BMPR2: variants seen among roughly 807,000 people sequenced by gnomAD.
BMPR2 encodes bone morphogenetic protein receptor type-2.
A neutral mutation model predicts 100.8 loss-of-function variants in BMPR2; 29 were observed. That is an observed-to-expected ratio of 0.29 (90% confidence interval 0.21 to 0.39). BMPR2 has a LOEUF of 0.39. Among genes scored for constraint, BMPR2 ranks in the 10% least tolerant of loss-of-function variants. The pLI is 1.00. For synonymous variants in BMPR2, 382 were observed against 442.3 expected, an observed-to-expected ratio of 0.86 and a Z score of 1.71; for missense variants, 1,011 against 1,274.5, an observed-to-expected ratio of 0.79 and a Z score of 3.15.
At chr2:202,452,858 T>C (rs995818175) in intron 1 of BMPR2, among the ~76,000 whole-genome samples, 1 of 152,186 alleles carries the variant, frequency 6.6e-6, no homozygotes, top group Non-Finnish European at 1.5e-5. Flanking sequence ...TATAGAATGT[T>C]ATGGAAGTAT....
At position 202,376,542 on chromosome 2, in the gene BMPR2, G is replaced by A. The variant is rs562633536; in HGVS notation, c.-933G>A. Among the ~76,000 whole-genome samples the A allele has an allele frequency of 2.0e-4, 28 of 141,526 alleles. 1 individual carries two copies. The highest frequency in any genetic ancestry group is 7.3e-4 in the African/African-American group (28 of 38,450). The allele number at this position is 141,526 out of a possible 152,430, so 92.8% of individuals were successfully genotyped here. A position where few individuals can be genotyped will look rare whatever the true frequency, so the allele number is the denominator to read the frequency against. On this transcript the variant is annotated 5_prime_UTR_variant, in exon 1 of 13. Coordinates refer to ENST00000374580, the MANE Select transcript of BMPR2 (RefSeq NM_001204.7). Reference sequence around the variant, plus strand: ...CGGCGGCGGCGGCGGCGGCGGCGGCGGCGGCAGCAGCAGCGGCTTCCTCGG... The same window carrying A: ...CGGCGGCGGCGGCGGCGGCGGCGGCAGCGGCAGCAGCAGCGGCTTCCTCGG...
Position 202,486,209 on chromosome 2 carries a change from T to G in BMPR2, c.418+18520T>G, listed in dbSNP as rs544083442. On this transcript the variant is annotated intron_variant, in intron 3 of 12. Coordinates refer to ENST00000374580, the MANE Select transcript of BMPR2 (RefSeq NM_001204.7). ...CATATATTGCCTTACTTCTCCATGC[T>G]AATGGAAGGCATAATGTCATACAGA... Among the ~76,000 whole-genome samples the G allele has an allele frequency of 2.0e-5, 3 of 152,292 alleles. No homozygotes were observed. In the South Asian group the frequency reaches 6.2e-4, roughly 32 times the overall value.
At chr2:202,486,206 T>C (rs1188223832) in intron 3 of BMPR2, among the ~76,000 whole-genome samples, 3 of 152,202 alleles carry the variant, frequency 2.0e-5, no homozygotes, top group Non-Finnish European at 2.9e-5. Context: ...TACTTCTCCA[T>C]GCTAATGGAA....
At chr2:202,402,738 C>G (rs1044642237) in intron 1 of BMPR2, among the ~76,000 whole-genome samples, 5 of 151,000 alleles carry the variant, frequency 3.3e-5, no homozygotes, top group Non-Finnish European at 5.9e-5. Context: ...ATGATCTTGG[C>G]TTGCTGCAAC....
At chr2:202,522,887 T>C (rs1184801306) in intron 7 of BMPR2, among the ~76,000 whole-genome samples, 3 of 152,024 alleles carry the variant, frequency 2.0e-5, no homozygotes, top group Admixed American at 1.3e-4. Flanking sequence ...CTCTAAGATA[T>C]ACATGCGAGC....
chr2:202,553,933 CT>C (rs1445953083), intron 11 of BMPR2, among the ~76,000 whole-genome samples: 2 of 152,198 alleles, frequency 1.3e-5, no homozygotes, highest in Non-Finnish European at 2.9e-5. Context: ...GGTGATCTGC[CT>C]GCCTTGGCCT....
intron 10 of BMPR2, 47 bp from the exon 11 acceptor site, chr2:202,552,668 AT>A (rs539397286): frequency 0.016 from 17,197 of 1,085,658 alleles, no homozygotes; most frequent in South Asian, 0.017. Context: ...AGCTCAATAC[AT>A]TTTTTTTTTT....
intron 7 of BMPR2, among the ~76,000 whole-genome samples, chr2:202,524,916 C>G (rs959633125): frequency 1.3e-5 from 2 of 151,962 alleles, no homozygotes; most frequent in Non-Finnish European, 2.9e-5. Context: ...TGGCAGGTGC[C>G]TGTAATCCCA....
At chr2:202,410,996 A>G (rs971555885) in intron 1 of BMPR2, among the ~76,000 whole-genome samples, 16 of 152,238 alleles carry the variant, frequency 1.1e-4, no homozygotes, top group Non-Finnish European at 1.6e-4. Flanking sequence ...ATTTCAGTTA[A>G]TAAATAGAAG....
intron 1 of BMPR2, among the ~76,000 whole-genome samples, chr2:202,454,789 G>A (rs910592104): frequency 3.3e-5 from 5 of 152,164 alleles, no homozygotes; most frequent in South Asian, 2.1e-4. Flanking sequence ...CTAGAGACAC[G>A]TGGTTATATT....
chr2:202,401,007 A>T (rs750867873), intron 1 of BMPR2, among the ~76,000 whole-genome samples: 1 of 152,250 alleles, frequency 6.6e-6, no homozygotes, highest in Non-Finnish European at 1.5e-5. Context: ...TAATACACAT[A>T]CATGACAGAA....
intron 1 of BMPR2, among the ~76,000 whole-genome samples, chr2:202,405,470 C>T (rs1231092719): frequency 2.6e-5 from 4 of 152,038 alleles, no homozygotes; most frequent in South Asian, 2.1e-4. Context: ...GGGCGGATCA[C>T]GAGGTCAGGA....
At chr2:202,500,774 C>G (rs533984803) in intron 3 of BMPR2, among the ~76,000 whole-genome samples, 2 of 152,260 alleles carry the variant, frequency 1.3e-5, no homozygotes, top group African/African-American at 4.8e-5. Flanking sequence ...TGTACCCAAC[C>G]CCTATACCCT....
At chr2:202,422,158 C>T (rs866369460) in intron 1 of BMPR2, among the ~76,000 whole-genome samples, 20 of 152,258 alleles carry the variant, frequency 1.3e-4, no homozygotes, top group Non-Finnish European at 2.2e-4. Flanking sequence ...CTGCCCGCGT[C>T]GGCCTCCCAG....
rs1338398970 is a variant in BMPR2, at chr2:202,420,007, A to G, written c.76+42457A>G. Among the ~76,000 whole-genome samples, 4 of 152,184 alleles carry G rather than the reference A, an allele frequency of 2.6e-5. No homozygotes were observed. In the East Asian group the frequency reaches 5.8e-4, roughly 22 times the overall value. On this transcript the variant is annotated intron_variant, in intron 1 of 12. Coordinates refer to ENST00000374580, the MANE Select transcript of BMPR2 (RefSeq NM_001204.7). ...CTATTTTACATATTTTAAAAATTATATTAAAAAATTAAAAAAATCCCAAAG... is the reference window on the plus strand; with the variant it reads ...CTATTTTACATATTTTAAAAATTATGTTAAAAAATTAAAAAAATCCCAAAG...
rs758445723 is a variant in BMPR2 at position 202,520,134 on chromosome 2, C to A, written c.900C>A (p.Ser300Arg). ...GTCTCCACACAAGTGACTGGGTAAG[C>A]TCTTGCCGTCTTGCTCATTCTGTTA... The part of the protein sequence containing the change: ...YLSLHTSDWV[S>R]SCRLAHSVTR... The change falls in exon 7 of 13, where the codon AGC becomes AGA. Residue 300 changes from serine (S) to arginine (R), a missense_variant. By Grantham distance (110) the Ser-to-Arg change is moderately radical. Transcript: ENST00000374580. The A allele has an allele frequency of 6.2e-7, 1 of 1,613,276 alleles. No homozygotes were observed. The highest frequency in any genetic ancestry group is 8.5e-7 in the Non-Finnish European group (1 of 1,179,926).
chr2:202,549,219 ATTAG>A (rs1362806687), intron 10 of BMPR2, among the ~76,000 whole-genome samples: 14 of 151,972 alleles, frequency 9.2e-5, no homozygotes, highest in Non-Finnish European at 1.9e-4. Context: ...CATGTTCATT[ATTAG>A]TTATAATATT....
intron 5 of BMPR2, 151 bp downstream of exon 5, chr2:202,515,130 G>A (rs190907228): frequency 4.1e-6 from 3 of 735,446 alleles, no homozygotes; most frequent in African/African-American, 3.5e-5. Flanking sequence ...TAGGCACTAG[G>A]AACATAGGTG....
chr2:202,481,642 G>C (rs1236607824), intron 3 of BMPR2, among the ~76,000 whole-genome samples: 1 of 152,038 alleles, frequency 6.6e-6, no homozygotes, highest in South Asian at 2.1e-4. Flanking sequence ...TCATGAACAC[G>C]ATATCTTTCC....
Sources: gnomAD v4.1 joint callset for allele counts (sites outside exome capture counted in the v4.1 genomes callset) on GRCh38, gnomAD v4.1.1 for gene constraint, MANE v1.5 for transcripts, NCBI Gene and HGNC (gene_info 2026-07-23, HGNC 2026-07-21) for gene names.